Variants in VPS54 observed in about 807,000 individuals in gnomAD.
The protein encoded by VPS54 is vacuolar protein sorting-associated protein 54.
In VPS54, 45 loss-of-function variants were observed where a neutral mutation model predicts 121.5. That is an observed-to-expected ratio of 0.37 (90% CI 0.29 to 0.47). The LOEUF (loss-of-function observed/expected upper bound fraction) is 0.47, where lower values mean the gene tolerates loss of function less well. VPS54 is among the 20% of genes least tolerant of loss of function. The pLI is 0.99. For synonymous variants in VPS54, 371 were observed against 385.8 expected (o/e 0.96, Z 0.45); for missense variants, 1,090 against 1,131.4 (o/e 0.96, Z 0.52).
At chr2:63,989,598 G>A (rs574212499) in intron 1 of VPS54, among the ~76,000 whole-genome samples, 18 of 152,232 alleles carry the variant, frequency 1.2e-4, no homozygotes, top group Admixed American at 6.5e-4. Flanking sequence ...GTGGGAACCC[G>A]ATTCCCTTTG....
intron 12 of VPS54, 57 bp from the exon 13 acceptor site, chr2:63,921,392 C>A: frequency 6.4e-7 from 1 of 1,552,402 alleles, no homozygotes; most frequent in Non-Finnish European, 8.7e-7. Context: ...GTATTCTCCA[C>A]AGGTGACCTA....
intron 11 of VPS54, among the ~76,000 whole-genome samples, chr2:63,938,059 G>GTGTGTGTGTGTGTGTGTGTGTGTGT (rs9309357): frequency 1.4e-5 from 2 of 140,384 alleles, no homozygotes; most frequent in African/African-American, 5.6e-5. Context: ...TGGTGTGTGT[G>GTGTGTGTGTGTGTGTGTGTGTGTGT]GTGTGTGTGT....
chr2:63,938,600 G>T (rs966259517), intron 11 of VPS54, among the ~76,000 whole-genome samples: 1 of 152,162 alleles, frequency 6.6e-6, no homozygotes, highest in Non-Finnish European at 1.5e-5. Context: ...GAATAGCTGG[G>T]ATTACAGGCA....
chr2:63,902,980 C>CAACAT (rs70965151), intron 20 of VPS54, among the ~76,000 whole-genome samples: 26,107 of 151,470 alleles, frequency 0.17, 2,524 homozygotes, highest in Middle Eastern at 0.23. Flanking sequence ...AATAACATAA[C>CAACAT]AACATAACAT....
intron 1 of VPS54, among the ~76,000 whole-genome samples, chr2:64,008,806 G>A (rs1365525300): frequency 6.6e-6 from 1 of 152,086 alleles, no homozygotes; most frequent in Admixed American, 6.5e-5. Context: ...GGAAAGACAA[G>A]AAGAATTGCA....
At chr2:63,961,932 T>C (rs1267816455) in intron 7 of VPS54, 126 bp downstream of exon 7, 10 of 1,022,532 alleles carry the variant, frequency 9.8e-6, no homozygotes, top group Non-Finnish European at 1.4e-5. Context: ...ATTAAACAAA[T>C]GATCAATCTG....
At chr2:63,967,411 A>T (rs937707832) in intron 5 of VPS54, among the ~76,000 whole-genome samples, 1 of 152,060 alleles carries the variant, frequency 6.6e-6, no homozygotes, top group Admixed American at 6.6e-5. Context: ...AATCCAAGGG[A>T]TGTGATAAAA....
intron 16 of VPS54, among the ~76,000 whole-genome samples, chr2:63,915,918 G>T (rs1452575446): frequency 6.6e-6 from 1 of 152,182 alleles, no homozygotes; most frequent in Non-Finnish European, 1.5e-5. Flanking sequence ...CAAATTAGAA[G>T]ACATATACAT....
chr2:63,943,719 C>CT (rs1674842846), intron 10 of VPS54, among the ~76,000 whole-genome samples: 1 of 112,902 alleles, frequency 8.9e-6, no homozygotes. Flanking sequence ...TTCTTTCTTT[C>CT]TTTCTTTCTT....
intron 7 of VPS54, among the ~76,000 whole-genome samples, chr2:63,953,979 CTTCTT>C (rs1235049459): frequency 6.6e-6 from 1 of 152,118 alleles, no homozygotes; most frequent in East Asian, 1.9e-4. Context: ...ACTTTTTCCT[CTTCTT>C]TTCCTTAAGA....
At chr2:63,903,971 C>T (rs1672795497) in intron 20 of VPS54, among the ~76,000 whole-genome samples, 1 of 151,916 alleles carries the variant, frequency 6.6e-6, no homozygotes, top group South Asian at 2.1e-4. Context: ...GGGAAAAAAG[C>T]AAGATCCAGC....
At chr2:64,001,341 A>G (rs1044699427) in intron 1 of VPS54, among the ~76,000 whole-genome samples, 1 of 152,220 alleles carries the variant, frequency 6.6e-6, no homozygotes, top group Non-Finnish European at 1.5e-5. Flanking sequence ...AGGGACCCCA[A>G]GAGCCCACTC....
chr2:63,906,406 A>T (rs1223939057), intron 20 of VPS54, among the ~76,000 whole-genome samples: 1 of 152,074 alleles, frequency 6.6e-6, no homozygotes, highest in Non-Finnish European at 1.5e-5. Context: ...GTAAATCTTA[A>T]AAAAAGATAC....
chr2:63,968,918 A>C, intron 5 of VPS54, 39 bp downstream of exon 5: 1 of 1,570,034 alleles, frequency 6.4e-7, no homozygotes, highest in South Asian at 1.2e-5. Flanking sequence ...TAAAGATCAA[A>C]TATTATAAGG....
chr2:63,977,378 T>G (rs1194559214), intron 3 of VPS54, among the ~76,000 whole-genome samples: 1 of 152,244 alleles, frequency 6.6e-6, no homozygotes, highest in African/African-American at 2.4e-5. Context: ...AAGCCTTCAG[T>G]GCTTATTTAA....
At chr2:64,016,480 G>T (rs1388398298) in intron 1 of VPS54, among the ~76,000 whole-genome samples, 2 of 152,156 alleles carry the variant, frequency 1.3e-5, no homozygotes, top group Non-Finnish European at 2.9e-5. Context: ...TAAAGCTGGG[G>T]GTGGGGTGAA....
intron 7 of VPS54, among the ~76,000 whole-genome samples, chr2:63,950,168 T>C (rs540754336): frequency 6.6e-6 from 1 of 152,350 alleles, no homozygotes; most frequent in Admixed American, 6.5e-5. Context: ...TCACAGCATC[T>C]GCACACAGTT....
At chr2:63,896,249 T>C (rs896716886) in intron 22 of VPS54, among the ~76,000 whole-genome samples, 6 of 152,180 alleles carry the variant, frequency 3.9e-5, no homozygotes, top group Non-Finnish European at 7.4e-5. Context: ...TACGGTTGTA[T>C]AAAAATGTCC....
intron 7 of VPS54, among the ~76,000 whole-genome samples, chr2:63,950,289 C>T (rs548697487): frequency 2.0e-4 from 31 of 152,268 alleles, no homozygotes; most frequent in Non-Finnish European, 3.7e-4. Flanking sequence ...GATGTTCTAT[C>T]GGGGTTCTCT....
Sources: allele counts gnomAD v4.1 joint callset (sites outside exome capture counted in the v4.1 genomes callset), GRCh38; gene constraint gnomAD v4.1.1; transcripts MANE v1.5; gene names NCBI Gene and HGNC (gene_info 2026-07-23, HGNC 2026-07-21).